ITFG2: variants seen among roughly 807,000 people sequenced by gnomAD.
The protein encoded by ITFG2 is KICSTOR complex protein ITFG2.
ITFG2 carries 36 observed loss-of-function variants against 54.4 expected under a neutral mutation model. The ratio of observed to expected loss-of-function variants is 0.66; its 90% CI spans 0.51 to 0.87. The LOEUF is 0.87. ITFG2 is among the 40% of genes least tolerant of loss of function. The pLI is 0.00. For synonymous variants in ITFG2, 211 were observed against 225.4 expected, an observed-to-expected ratio of 0.94 and a Z score of 0.57; for missense variants, 524 against 576.7, an observed-to-expected ratio of 0.91 and a Z score of 0.94.
At chr12:2,828,233 T>C (rs771186141), downstream of ITFG2, 5 of 1,225,068 alleles carry the variant, frequency 4.1e-6, no homozygotes, top group East Asian at 1.2e-4. Context: ...TTTATTGAGA[T>C]AAAATATGCA....
exon 4 of ITFG2, chr12:2,859,600 G>T: frequency 6.2e-7 from 1 of 1,613,432 alleles, no homozygotes; most frequent in Non-Finnish European, 8.5e-7. Flanking sequence ...CCAAACAGGA[G>T]TTTCTCCTCT....
chr12:2,853,613 GT>G lies in ITFG2; in HGVS notation n.301-4390del, dbSNP rs1394161799. On this transcript the variant is annotated intron_variant and non_coding_transcript_variant, in intron 2 of 3. Transcript: ENST00000537710. ...TGTTGTTGTTTTTGTTTTTGTTTTT[GT>G]TTTTTTTTCAGATTAAAAATCTTCA... Among the ~76,000 whole-genome samples the G allele has an allele frequency of 2.1e-3, 234 of 114,048 alleles. 1 individual carries two copies. The highest frequency in any genetic ancestry group is 5.4e-3 in the Middle Eastern group (1 of 184). 74.8% of individuals were successfully genotyped at this position (114,048 alleles called of 152,430 possible).
intron 3 of ITFG2, 45 bp downstream of exon 3, chr12:2,817,995 A>C (rs2097927641): frequency 2.0e-5 from 32 of 1,611,122 alleles, no homozygotes; most frequent in Non-Finnish European, 2.6e-5. Context: ...CTCACAGTGG[A>C]AATCAGTTGA....
upstream of ITFG2, among the ~76,000 whole-genome samples, chr12:2,833,863 G>A (rs1414391937): frequency 1.3e-5 from 2 of 152,218 alleles, no homozygotes; most frequent in African/African-American, 2.4e-5. Flanking sequence ...AAGAAACTGA[G>A]GCACAGAGAC....
At chr12:2,858,569 T>C in intron 3 of ITFG2, 2 of 1,374,556 alleles carry the variant, frequency 1.5e-6, no homozygotes, top group South Asian at 1.3e-5. Context: ...ACTCAGAGGC[T>C]TGGGGTGCAC....
downstream of ITFG2, chr12:2,826,068 T>G (rs1376297052): frequency 6.6e-6 from 1 of 152,280 alleles, no homozygotes; most frequent in Non-Finnish European, 1.5e-5. Context: ...CTGGCCTCTT[T>G]CTTTACTCCT....
At chr12:2,820,930 C>G (rs1462967986) in intron 6 of ITFG2, 58 bp downstream of exon 6, 3 of 1,567,442 alleles carry the variant, frequency 1.9e-6, no homozygotes, top group East Asian at 2.3e-5. Context: ...GATGGGCTCC[C>G]AGATGCCACA....
chr12:2,814,742 G>A (rs918050848), intron 1 of ITFG2, among the ~76,000 whole-genome samples: 1 of 152,100 alleles, frequency 6.6e-6, no homozygotes, highest in African/African-American at 2.4e-5. Context: ...TGAGGCGAGA[G>A]GATTACTTGA....
At chr12:2,834,819 C>T (rs770243940), upstream of ITFG2, 27 of 1,613,670 alleles carry the variant, frequency 1.7e-5, no homozygotes, top group Non-Finnish European at 2.1e-5. Context: ...TCCTGGCCTC[C>T]TGCTTGGTGC....
chr12:2,856,346 G>A (rs919482440), intron 2 of ITFG2, among the ~76,000 whole-genome samples: 8 of 151,998 alleles, frequency 5.3e-5, no homozygotes, highest in African/African-American at 1.2e-4. Context: ...AAAATGCTTC[G>A]CCCTCCTATC....
upstream of ITFG2, chr12:2,834,683 G>A (rs769063355): frequency 2.0e-5 from 33 of 1,612,602 alleles, no homozygotes; most frequent in East Asian, 3.6e-4. Context: ...CTGTCCAGCG[G>A]GAGCAGGTCG....
At chr12:2,832,290 A>G (rs910872351), upstream of ITFG2, among the ~76,000 whole-genome samples, 1 of 152,068 alleles carries the variant, frequency 6.6e-6, no homozygotes, top group South Asian at 2.1e-4. Flanking sequence ...ATAGAGCTCA[A>G]GCTTTTGAAG....
At chr12:2,823,665 T>G in intron 10 of ITFG2, 105 bp from the exon 11 acceptor site, 1 of 1,351,868 alleles carries the variant, frequency 7.4e-7, no homozygotes, top group Non-Finnish European at 9.8e-7. Context: ...CTGACATCAG[T>G]GGGAGGATGG....
At chr12:2,855,332 G>C in intron 2 of ITFG2, 1 of 1,532,274 alleles carries the variant, frequency 6.5e-7, no homozygotes, top group Non-Finnish European at 8.7e-7. Context: ...TTCAGAGCCA[G>C]CTGGTGGTAG....
rs574038194 is a variant in ITFG2 at position 2,822,091 on chromosome 12, C to G, written c.948+299C>G. Among the ~76,000 whole-genome samples, 124 of 152,190 alleles carry G rather than the reference C, an allele frequency of 8.1e-4. No homozygotes were observed. Among genetic ancestry groups the G allele is most frequent in the Non-Finnish European group, 1.4e-3 (95 of 68,020 alleles). Reference sequence around the variant, plus strand: ...TACAGGCGTGTGCCACCACACTGGGCTAACTTTCCTAAACTTTTTGTAAAG... The same window carrying G: ...TACAGGCGTGTGCCACCACACTGGGGTAACTTTCCTAAACTTTTTGTAAAG... On this transcript the variant is annotated intron_variant, in intron 9 of 11. Transcript: ENST00000228799.
At chr12:2,830,712 C>G in intron 2 of ITFG2, 1 of 1,610,312 alleles carries the variant, frequency 6.2e-7, no homozygotes. Context: ...TCTCACCTTG[C>G]AGTTGACCAG....
In ITFG2 at chr12:2,843,674, A is replaced by G. The variant is rs143906141; in HGVS notation, n.300+2679A>G. Among the ~76,000 whole-genome samples the G allele has an allele frequency of 9.4e-4, 143 of 152,324 alleles. 1 individual carries two copies. Among genetic ancestry groups the G allele is most frequent in the Non-Finnish European group, 1.7e-3 (119 of 68,030 alleles). On this transcript the variant is annotated intron_variant and non_coding_transcript_variant, in intron 2 of 3. Transcript: ENST00000537710. ...CTAAAAATACAAAAATTAGGTGGGC[A>G]TGGTGGCGTGCGCCCATAGTCCCAG...
At chr12:2,853,808 C>A (rs1287369737) in intron 2 of ITFG2, among the ~76,000 whole-genome samples, 2 of 151,990 alleles carry the variant, frequency 1.3e-5, no homozygotes, top group Non-Finnish European at 2.9e-5. Flanking sequence ...GGGGGAGCTG[C>A]GGGGTTCACA....
chr12:2,830,645 G>A, intron 2 of ITFG2: 1 of 1,519,242 alleles, frequency 6.6e-7, no homozygotes, highest in Non-Finnish European at 8.9e-7. Flanking sequence ...GCAGAAAGGA[G>A]AGCAGGTGAA....
Sources: allele counts gnomAD v4.1 joint callset (sites outside exome capture counted in the v4.1 genomes callset), GRCh38; gene constraint gnomAD v4.1.1; transcripts MANE v1.5; gene names NCBI Gene and HGNC (gene_info 2026-07-23, HGNC 2026-07-21).